The following CASK variants were observed in gnomAD, a reference collection of about 807,000 sequenced individuals.
The protein encoded by CASK is calcium/calmodulin dependent serine protein kinase, also known as peripheral plasma membrane protein CASK.
In CASK, 4 loss-of-function variants were observed where a neutral mutation model predicts 82.9. That is an observed-to-expected ratio of 0.05 (90% confidence interval 0.02 to 0.11). The LOEUF (loss-of-function observed/expected upper bound fraction) is 0.11, where lower values mean the gene tolerates loss of function less well. Among genes scored for constraint, CASK ranks in the 10% least tolerant of loss-of-function variants. The pLI, the probability that CASK is intolerant of heterozygous loss-of-function variation, is 1.00. For synonymous variants in CASK, 259 were observed against 253.5 expected (o/e 1.02, Z -0.20); for missense variants, 358 against 720.9 (o/e 0.50, Z 5.76).
At chrX:41,547,314 T>C (rs1462287299) in intron 21 of CASK, among the ~76,000 whole-genome samples, 1 of 112,027 alleles carries the variant, frequency 8.9e-6, no homozygotes, top group Non-Finnish European at 1.9e-5. Context: ...TTAAAATCTA[T>C]AGGTTCCCTC....
At chrX:41,834,962 A>G (rs771219097) in intron 2 of CASK, among the ~76,000 whole-genome samples, 3 of 111,608 alleles carry the variant, frequency 2.7e-5, no homozygotes, top group Non-Finnish European at 3.8e-5. Flanking sequence ...TCTTGTACCT[A>G]GTGTACAGAC....
intron 3 of CASK, among the ~76,000 whole-genome samples, chrX:41,761,045 C>A (rs1249254954): frequency 9.0e-6 from 1 of 111,348 alleles, no homozygotes; most frequent in Non-Finnish European, 1.9e-5. Flanking sequence ...GTCTCTCTAG[C>A]CCTTATTTCC....
rs984193044 is a variant in CASK at position 41,834,611 on chromosome X, T to G, written c.172+18504A>C. The stretch of plus-strand genomic sequence containing the variant: ...TTATTCCTCCCATAAAAGAAAAATA[T>G]TTTTTGCCTAACCCTTGAGATACTC... On this transcript the variant is annotated intron_variant, in intron 2 of 26. Transcript: ENST00000378163. Among the ~76,000 whole-genome samples the G allele has an allele frequency of 3.6e-5, 4 of 111,121 alleles. No individual in the cohort carries two copies. In the East Asian group the frequency reaches 8.5e-4, roughly 23 times the overall value.
At chrX:41,745,353 G>A in intron 4 of CASK, 171 bp downstream of exon 4, 3 of 485,382 alleles carry the variant, frequency 6.2e-6, no homozygotes. Context: ...TCATTGTTCG[G>A]TATTTTGCAT....
At chrX:41,774,686 G>A (rs1305434018) in intron 3 of CASK, among the ~76,000 whole-genome samples, 12 of 110,278 alleles carry the variant, frequency 1.1e-4, no homozygotes, top group Non-Finnish European at 2.3e-4. Flanking sequence ...CCAAAACAGA[G>A]ATATAGATCA....
chrX:41,787,564 A>C (rs1257155510), intron 2 of CASK, among the ~76,000 whole-genome samples: 3 of 109,831 alleles, frequency 2.7e-5, no homozygotes, highest in Non-Finnish European at 5.7e-5. Flanking sequence ...AAAAAAAAAA[A>C]AAACAAACCA....
intron 25 of CASK, among the ~76,000 whole-genome samples, chrX:41,528,834 A>C (rs1249815147): frequency 8.9e-6 from 1 of 112,154 alleles, no homozygotes; most frequent in Non-Finnish European, 1.9e-5. Flanking sequence ...GGCAGGATGA[A>C]GGCCTTGTCC....
At chrX:41,705,013 G>A (rs1390788954) in intron 5 of CASK, among the ~76,000 whole-genome samples, 5 of 112,071 alleles carry the variant, frequency 4.5e-5, no homozygotes, top group African/African-American at 1.6e-4. Flanking sequence ...TACATAAAAT[G>A]GAATGGCTAG....
chrX:41,760,162 C>G (rs1248697766), intron 3 of CASK, among the ~76,000 whole-genome samples: 1 of 112,237 alleles, frequency 8.9e-6, no homozygotes, highest in Non-Finnish European at 1.9e-5. Context: ...GCAATAGCCC[C>G]TATTCTGTTC....
rs139659701 is a variant in CASK at position 41,528,763 on chromosome X, C to G, written c.2520+2244G>C. Among the ~76,000 whole-genome samples the G allele has an allele frequency of 4.9e-3, 548 of 111,961 alleles. 5 individuals are homozygous for G. The highest frequency in any genetic ancestry group is 0.017 in the African/African-American group (522 of 30,815). The stretch of plus-strand genomic sequence containing the variant: ...GAGAAAAATGTCCTAAGGAGAGAGC[C>G]TCCCTGGAGCAGTGAGGCTCTGCCT... On this transcript the variant is annotated intron_variant, in intron 25 of 26. Coordinates refer to ENST00000378163, the MANE Select transcript of CASK (RefSeq NM_001367721.1).
intron 8 of CASK, among the ~76,000 whole-genome samples, chrX:41,654,984 A>AT (rs763099566): frequency 1.7e-3 from 170 of 97,796 alleles, no homozygotes; most frequent in African/African-American, 3.6e-3. Context: ...GGGACTCAAC[A>AT]TTTTTTTTTT....
chrX:41,838,685 C>T (rs2070976383), intron 2 of CASK, among the ~76,000 whole-genome samples: 2 of 110,722 alleles, frequency 1.8e-5, no homozygotes. Flanking sequence ...CACTTGAACC[C>T]GGGATGGGAG....
chrX:41,819,357 G>T (rs2070482752), intron 2 of CASK, among the ~76,000 whole-genome samples: 1 of 111,000 alleles, frequency 9.0e-6, no homozygotes, highest in Admixed American at 9.6e-5. Flanking sequence ...CAAATAAAAT[G>T]AAACTGACAA....
rs745513899 is a variant in CASK, at chrX:41,911,774, T to C, written c.59+11156A>G. 2.7e-5 allele frequency among the ~76,000 whole-genome samples: 3 copies of C among 112,168 alleles called. No individual in the cohort carries two copies. The South Asian group carries it at 1.1e-3, about 41-fold the overall frequency. On this transcript the variant is annotated intron_variant, in intron 1 of 26. Transcript: ENST00000378163. Reference sequence around the variant, plus strand: ...TTCTTTTAACAATCTTGGGAGTTTTTCACAACACTACGGAATTATAATCTA... The same window carrying C: ...TTCTTTTAACAATCTTGGGAGTTTTCCACAACACTACGGAATTATAATCTA...
chrX:41,799,409 G>A (rs1049724525), intron 2 of CASK, among the ~76,000 whole-genome samples: 2 of 110,515 alleles, frequency 1.8e-5, no homozygotes, highest in African/African-American at 3.3e-5. Flanking sequence ...GTGTGGTGGC[G>A]TGCGCCTGTA....
chrX:41,652,819 A>G (rs1302703509), intron 8 of CASK, among the ~76,000 whole-genome samples: 2 of 112,351 alleles, frequency 1.8e-5, no homozygotes, highest in Non-Finnish European at 3.8e-5. Flanking sequence ...AATTTTCTTT[A>G]TAACACAATG....
rs1218708333 is a variant in CASK at position 41,757,764 on chromosome X, T to G, written c.279-12163A>C. Among the ~76,000 whole-genome samples the G allele has an allele frequency of 2.7e-5, 3 of 112,171 alleles. No homozygotes were observed. In the East Asian group the frequency reaches 8.4e-4, roughly 31 times the overall value. On this transcript the variant is annotated intron_variant, in intron 3 of 26. Transcript: ENST00000378163. ...ATCCTCCCACCTCAACCTCCCGAAG[T>G]GTTGGGATTACAGGCGTGAGCCACT...
chrX:41,750,055 T>C (rs185328329), intron 3 of CASK, among the ~76,000 whole-genome samples: 42 of 111,091 alleles, frequency 3.8e-4, no homozygotes, highest in African/African-American at 1.3e-3. Flanking sequence ...ACTTAGTAAA[T>C]ATACAGGCAC....
chrX:41,749,790 T>C lies in CASK; in HGVS notation c.279-4189A>G, dbSNP rs917991043. Among the ~76,000 whole-genome samples the C allele has an allele frequency of 3.6e-5, 4 of 111,733 alleles. No homozygotes were observed. The Admixed American group carries it at 3.8e-4, about 11-fold the overall frequency. ...TATTTTGATTCAGATGGTAAATGTA[T>C]AGGTTAACTTCTAGAAATTAACATT... On this transcript the variant is annotated intron_variant, in intron 3 of 26. Coordinates refer to ENST00000378163, the MANE Select transcript of CASK (RefSeq NM_001367721.1).
Sources: gnomAD v4.1 joint callset for allele counts (sites outside exome capture counted in the v4.1 genomes callset) on GRCh38, gnomAD v4.1.1 for gene constraint, MANE v1.5 for transcripts, NCBI Gene and HGNC (gene_info 2026-07-23, HGNC 2026-07-21) for gene names.